COG4: variants seen among roughly 807,000 people sequenced by gnomAD.
COG4 encodes the protein conserved oligomeric Golgi complex subunit 4.
Under a neutral mutation model 95.1 loss-of-function variants are expected in COG4, and 65 were observed. The ratio of observed to expected loss-of-function variants is 0.68; its 90% CI spans 0.56 to 0.84. COG4 has a LOEUF of 0.84. Ranked by LOEUF, COG4 falls within the 40% of genes least tolerant of loss-of-function variation. The pLI, the probability that COG4 is intolerant of heterozygous loss-of-function variation, is 0.00. For missense variants in COG4, 1,045 were observed against 989.1 expected, an observed-to-expected ratio of 1.06 and a Z score of -0.76; for synonymous variants, 421 against 374.8, an observed-to-expected ratio of 1.12 and a Z score of -1.42.
At position 70,517,640 on chromosome 16, in the gene COG4, G is replaced by T; in HGVS notation, c.355C>A (p.Leu119Ile). 6.7e-7 allele frequency: 1 copy of T among 1,498,836 alleles called. No homozygotes were observed. The highest frequency in any genetic ancestry group is 9.2e-7 in the Non-Finnish European group (1 of 1,085,616). The allele number at this position is 1,498,836 out of a possible 1,614,324, so 92.8% of individuals were successfully genotyped here. ...TGATGTATTACCTTGGCCAGGTCAAGCTGACGAACTTTGCTGGACACATTC... is the reference window on the plus strand; with the variant it reads ...TGATGTATTACCTTGGCCAGGTCAATCTGACGAACTTTGCTGGACACATTC... ...AENVSSKVRQ[L>I]DLAKNRLYQA... Residue 119 changes from leucine (L) to isoleucine (I), a missense_variant, in exon 3 of 19, where the codon CTT becomes ATT. Coordinates refer to ENST00000323786, the MANE Select transcript of COG4 (RefSeq NM_015386.3).
At chr16:70,518,520 A>G (rs2049871181) in intron 2 of COG4, among the ~76,000 whole-genome samples, 1 of 152,142 alleles carries the variant, frequency 6.6e-6, no homozygotes, top group African/African-American at 2.4e-5. Context: ...CACCATGCCC[A>G]ACTAATTTAT....
chr16:70,483,200 C>CCT lies in COG4; in HGVS notation c.1828-381_1828-380dup, dbSNP rs1190450762. Among the ~76,000 whole-genome samples the CCT allele has an allele frequency of 7.7e-3, 136 of 17,752 alleles. 5 individuals carry two copies. The highest frequency in any genetic ancestry group is 0.012 in the African/African-American group (26 of 2,178). 11.6% of individuals were successfully genotyped at this position (17,752 alleles called of 152,430 possible). On this transcript the variant is annotated intron_variant, in intron 14 of 18. Coordinates refer to ENST00000323786, the MANE Select transcript of COG4 (RefSeq NM_015386.3). ...CCCTCTCTCCTCTCCCCACCCCATC[C>CCT]CTCTCATCTCCCCACCCCTTCCCTC...
intron 3 of COG4, 87 bp from the exon 4 acceptor site, chr16:70,514,596 T>G: frequency 2.7e-6 from 3 of 1,107,854 alleles, no homozygotes; most frequent in Non-Finnish European, 4.1e-6. Flanking sequence ...GAGCTGAATC[T>G]GATCAACCAT....
chr16:70,481,508 A>C, intron 17 of COG4, 21 bp from the exon 18 acceptor site: 1 of 1,610,610 alleles, frequency 6.2e-7, no homozygotes, highest in Non-Finnish European at 8.5e-7. Context: ...ACCCAAGCCC[A>C]GTCACTACTT....
At chr16:70,509,470 G>A (rs2151758338) in intron 6 of COG4, 82 bp from the exon 7 acceptor site, 3 of 1,491,934 alleles carry the variant, frequency 2.0e-6, no homozygotes, top group East Asian at 4.6e-5. Flanking sequence ...ACTAACCGAA[G>A]GTCTAGCTCA....
chr16:70,522,241 C>T (rs1429250732), intron 1 of COG4, among the ~76,000 whole-genome samples: 1 of 146,642 alleles, frequency 6.8e-6, no homozygotes, highest in East Asian at 2.0e-4. Context: ...GTGATCCTCC[C>T]GTCTTGGCCT....
chr16:70,485,996 C>T (rs1035350888), intron 13 of COG4, among the ~76,000 whole-genome samples: 3 of 151,428 alleles, frequency 2.0e-5, no homozygotes, highest in Admixed American at 6.6e-5. Flanking sequence ...CCTGGGTTCA[C>T]GCCATTCTCC....
At chr16:70,492,618 G>A (rs1471846576) in intron 12 of COG4, among the ~76,000 whole-genome samples, 1 of 148,742 alleles carries the variant, frequency 6.7e-6, no homozygotes, top group African/African-American at 2.5e-5. Flanking sequence ...CCAAGATCGC[G>A]CCATTGCACT....
At chr16:70,485,475 T>G (rs886363772) in intron 13 of COG4, among the ~76,000 whole-genome samples, 7 of 149,512 alleles carry the variant, frequency 4.7e-5, no homozygotes, top group Non-Finnish European at 8.9e-5. Flanking sequence ...AAGTGCTGGA[T>G]TTACAGGTGT....
At chr16:70,481,568 C>T (rs1008995475) in intron 17 of COG4, 81 bp from the exon 18 acceptor site, 56 of 1,597,680 alleles carry the variant, frequency 3.5e-5, no homozygotes, top group Non-Finnish European at 4.7e-5. Context: ...AGCTGGGTGG[C>T]AAGGCCCGCC....
chr16:70,500,827 A>C, intron 9 of COG4, 131 bp downstream of exon 9: 2 of 1,080,682 alleles, frequency 1.9e-6, no homozygotes, highest in Non-Finnish European at 2.8e-6. Flanking sequence ...CCTGGGAGTC[A>C]ATTTGCCTAC....
At chr16:70,512,174 T>C in intron 5 of COG4, 65 bp downstream of exon 5, 11 of 1,453,924 alleles carry the variant, frequency 7.6e-6, no homozygotes, top group Non-Finnish European at 9.7e-6. Flanking sequence ...ACTGGATCCA[T>C]CCAGTGCCCC....
At chr16:70,512,207 C>A (rs370017107) in intron 5 of COG4, 32 bp downstream of exon 5, 14 of 1,606,740 alleles carry the variant, frequency 8.7e-6, no homozygotes, top group African/African-American at 1.3e-5. Context: ...GACAGCCACA[C>A]AATTATCCTG....
intron 17 of COG4, 27 bp downstream of exon 17, chr16:70,481,737 C>A: frequency 6.3e-7 from 1 of 1,588,484 alleles, no homozygotes; most frequent in South Asian, 1.1e-5. Flanking sequence ...AAACGAGAGC[C>A]GCAGACCCAT....
chr16:70,504,030 C>G (rs1056871487), intron 8 of COG4, among the ~76,000 whole-genome samples: 1 of 152,208 alleles, frequency 6.6e-6, no homozygotes, highest in Non-Finnish European at 1.5e-5. Flanking sequence ...CAGTGGCTGA[C>G]AGCATCCACT....
chr16:70,505,222 G>C (rs1439766034), intron 8 of COG4, among the ~76,000 whole-genome samples: 2 of 133,794 alleles, frequency 1.5e-5, no homozygotes, highest in East Asian at 2.2e-4. Flanking sequence ...TTTTGAGACA[G>C]AGTCTCGCTC....
intron 16 of COG4, 32 bp downstream of exon 16, chr16:70,482,060 T>G (rs2049009055): frequency 6.4e-7 from 1 of 1,568,640 alleles, no homozygotes; most frequent in Non-Finnish European, 8.8e-7. Context: ...CGTGGGTAAT[T>G]CCCTAAGTGG....
intron 9 of COG4, among the ~76,000 whole-genome samples, 168 bp from the exon 10 acceptor site, chr16:70,498,223 TA>T (rs2049379866): frequency 6.6e-6 from 1 of 152,232 alleles, no homozygotes; most frequent in Non-Finnish European, 1.5e-5. Context: ...TTTAAAAAAG[TA>T]TATCATAAAT....
In COG4 at chr16:70,480,751, C is replaced by T. The variant is rs893850980; in HGVS notation, c.*259G>A. On this transcript the variant is annotated 3_prime_UTR_variant, in exon 19 of 19. Coordinates refer to ENST00000323786, the MANE Select transcript of COG4 (RefSeq NM_015386.3). ...ATGCAGAAAGCTGGCCTGGGCTGCT[C>T]GCTGCCTGCCGTGGCTTTCCCACCT... 5 of 522,998 alleles carry T rather than the reference C, an allele frequency of 9.6e-6. No homozygotes were observed. The highest frequency in any genetic ancestry group is 3.8e-5 in the African/African-American group (2 of 52,026). The allele number at this position is 522,998 out of a possible 1,614,324, so 32.4% of individuals were successfully genotyped here. A position where few individuals can be genotyped will look rare whatever the true frequency, so the allele number is the denominator to read the frequency against.
Sources: gnomAD v4.1 joint callset for allele counts (sites outside exome capture counted in the v4.1 genomes callset) on GRCh38, gnomAD v4.1.1 for gene constraint, MANE v1.5 for transcripts, NCBI Gene and HGNC (gene_info 2026-07-23, HGNC 2026-07-21) for gene names.